Variants in CLVS1 observed in about 807,000 individuals in gnomAD.
CLVS1 encodes the protein clavesin-1.
A neutral mutation model predicts 33.1 loss-of-function variants in CLVS1; 10 were observed. That is an observed-to-expected ratio of 0.30 (90% CI 0.19 to 0.51). The LOEUF (loss-of-function observed/expected upper bound fraction) is 0.51. Among genes scored for constraint, CLVS1 ranks in the 20% least tolerant of loss-of-function variants. The pLI is 0.97. For missense variants in CLVS1, 343 were observed against 433.4 expected (o/e 0.79, Z 1.85); for synonymous variants, 163 against 166.1 (o/e 0.98, Z 0.14).
intron 3 of CLVS1, among the ~76,000 whole-genome samples, chr8:61,381,830 C>T (rs914177340): frequency 1.3e-5 from 2 of 152,154 alleles, no homozygotes; most frequent in Non-Finnish European, 2.9e-5. Flanking sequence ...TTTCTTCACC[C>T]AGTCCACTGT....
chr8:61,101,010 A>G (rs554755822), intron 1 of CLVS1, among the ~76,000 whole-genome samples: 1 of 152,242 alleles, frequency 6.6e-6, no homozygotes, highest in African/African-American at 2.4e-5. Context: ...ATTTTTTACT[A>G]TTATGAATAA....
chr8:61,474,137 A>G (rs1340868061), intron 5 of CLVS1, among the ~76,000 whole-genome samples: 3 of 152,222 alleles, frequency 2.0e-5, no homozygotes, highest in South Asian at 2.1e-4. Context: ...TTTGAATGTC[A>G]TACAGCGCAA....
intron 5 of CLVS1, among the ~76,000 whole-genome samples, chr8:61,490,959 TCC>T (rs1804054628): frequency 7.4e-6 from 1 of 135,882 alleles, no homozygotes. Context: ...AGACTCCATC[TCC>T]AAAAAAAAAA....
intron 2 of CLVS1, among the ~76,000 whole-genome samples, chr8:61,188,307 A>C (rs1807387397): frequency 6.6e-6 from 1 of 152,268 alleles, no homozygotes; most frequent in African/African-American, 2.4e-5. Context: ...GAAGCAGACA[A>C]GTGCTCTTTG....
intron 3 of CLVS1, among the ~76,000 whole-genome samples, chr8:61,411,968 G>T (rs535933042): frequency 9.9e-5 from 15 of 152,252 alleles, no homozygotes; most frequent in Admixed American, 4.6e-4. Context: ...CAAGTACTCC[G>T]TGCTGGAAAC....
chr8:61,496,322 C>T lies in CLVS1; in HGVS notation c.978-3133C>T, dbSNP rs140853369. On this transcript the variant is annotated intron_variant, in intron 5 of 5. Coordinates refer to ENST00000325897, the MANE Select transcript of CLVS1 (RefSeq NM_173519.3). ...TTTCCACAGGGTCCGTAGGTCAAAG[C>T]AGGAAGGCAGCTGTCCAAGGTGCTG... 8.5e-5 allele frequency among the ~76,000 whole-genome samples: 13 copies of T among 152,292 alleles called. No individual in the cohort carries two copies. The East Asian group carries it at 2.5e-3, about 29-fold the overall frequency.
intron 1 of CLVS1, among the ~76,000 whole-genome samples, chr8:61,295,664 A>T (rs574217634): frequency 6.6e-6 from 1 of 152,306 alleles, no homozygotes; most frequent in Admixed American, 6.5e-5. Flanking sequence ...TCTGCTACAC[A>T]TAAGAGACAG....
intron 2 of CLVS1, among the ~76,000 whole-genome samples, chr8:61,189,701 A>G (rs1029706358): frequency 6.6e-6 from 1 of 152,168 alleles, no homozygotes; most frequent in Non-Finnish European, 1.5e-5. Flanking sequence ...ATGGAAAACA[A>G]AAAAAGGCAG....
intron 2 of CLVS1, among the ~76,000 whole-genome samples, chr8:61,310,753 G>T (rs972911696): frequency 6.6e-6 from 1 of 152,156 alleles, no homozygotes; most frequent in African/African-American, 2.4e-5. Flanking sequence ...GCCCAGCAAA[G>T]GACACTGGAT....
In CLVS1 at chr8:61,224,002, G is replaced by A. The variant is rs529529714; in HGVS notation, c.-151-75675G>A. Among the ~76,000 whole-genome samples the A allele has an allele frequency of 5.3e-5, 8 of 152,116 alleles. No homozygotes were observed. In the East Asian group the frequency reaches 1.6e-3, roughly 29 times the overall value. On this transcript the variant is annotated intron_variant, in intron 2 of 2. Transcript: ENST00000522621. The stretch of plus-strand genomic sequence containing the variant: ...ATGCTTCACGAAGTTCTCGTGCTAT[G>A]TTTTTCAGCTCCATTAGGTCATTTA...
chr8:61,090,455 G>A (rs1468303234), intron 1 of CLVS1, among the ~76,000 whole-genome samples: 1 of 152,092 alleles, frequency 6.6e-6, no homozygotes, highest in African/African-American at 2.4e-5. Flanking sequence ...AAAGAAGCCT[G>A]TTGGACTCCC....
chr8:61,477,191 C>T (rs939492261), intron 5 of CLVS1, among the ~76,000 whole-genome samples: 12 of 152,126 alleles, frequency 7.9e-5, no homozygotes, highest in South Asian at 6.2e-4. Context: ...CTGCTGGATT[C>T]GGTTTTCCAG....
chr8:61,203,307 A>G (rs1390318136), intron 2 of CLVS1: 5 of 714,110 alleles, frequency 7.0e-6, no homozygotes, highest in South Asian at 5.7e-5. Flanking sequence ...TGTCCTTTTT[A>G]TAATGCAGAG....
the CLVS1 span, among the ~76,000 whole-genome samples, chr8:61,035,772 T>C: frequency 6.6e-6 from 1 of 152,216 alleles, no homozygotes; most frequent in Non-Finnish European, 1.5e-5. Flanking sequence ...AGTAAAGTGC[T>C]AGTGAATGTA....
chr8:61,461,619 C>T (rs1301466931), intron 5 of CLVS1, among the ~76,000 whole-genome samples: 1 of 152,216 alleles, frequency 6.6e-6, no homozygotes, highest in Non-Finnish European at 1.5e-5. Flanking sequence ...GGATATACCA[C>T]AGTTTATCCA....
chr8:61,318,390 G>A (rs1277439640), intron 2 of CLVS1, among the ~76,000 whole-genome samples: 2 of 152,088 alleles, frequency 1.3e-5, no homozygotes, highest in Admixed American at 6.6e-5. Flanking sequence ...CTGCATGCCA[G>A]ATGTTTCCTA....
intron 1 of CLVS1, among the ~76,000 whole-genome samples, chr8:61,127,184 G>A (rs902212915): frequency 7.9e-5 from 12 of 151,636 alleles, no homozygotes; most frequent in Admixed American, 5.9e-4. Flanking sequence ...TTAAGCCTCA[G>A]AATTGCTTCT....
At chr8:61,111,984 C>T (rs1311368673) in intron 1 of CLVS1, among the ~76,000 whole-genome samples, 1 of 151,982 alleles carries the variant, frequency 6.6e-6, no homozygotes, top group African/African-American at 2.4e-5. Context: ...CAAATCGGTA[C>T]TGTAGAATTC....
intron 2 of CLVS1, among the ~76,000 whole-genome samples, chr8:61,352,289 A>G (rs1431510259): frequency 2.0e-5 from 3 of 152,042 alleles, no homozygotes; most frequent in African/African-American, 7.2e-5. Flanking sequence ...CACTCTAAAT[A>G]AGTCAAGACA....
Sources: gnomAD v4.1 joint callset for allele counts (sites outside exome capture counted in the v4.1 genomes callset) on GRCh38, gnomAD v4.1.1 for gene constraint, MANE v1.5 for transcripts, NCBI Gene and HGNC (gene_info 2026-07-23, HGNC 2026-07-21) for gene names.